POFUT3: variants seen among roughly 807,000 people sequenced by gnomAD.
POFUT3 encodes protein O-fucosyltransferase 3, also known as GDP-fucose protein O-fucosyltransferase 3.
the POFUT3 span, among the ~76,000 whole-genome samples, chr8:33,356,039 T>C: frequency 0.029 from 4,413 of 152,196 alleles, 175 homozygotes; most frequent in African/African-American, 0.091. Flanking sequence ...CCATGGTGTA[T>C]ATGTGCCACA....
chr8:33,343,312 C>G, the POFUT3 span, among the ~76,000 whole-genome samples: 2 of 152,158 alleles, frequency 1.3e-5, no homozygotes, highest in Admixed American at 1.3e-4. Context: ...TTATCTTCAT[C>G]TGATGGATAC....
chr8:33,325,669 C>T, the POFUT3 span, among the ~76,000 whole-genome samples: 5 of 152,030 alleles, frequency 3.3e-5, no homozygotes, highest in African/African-American at 1.2e-4. Flanking sequence ...AAGAATATCT[C>T]CTGGTCTGGA....
At chr8:33,326,934 C>T in the POFUT3 span, among the ~76,000 whole-genome samples, 18 of 152,194 alleles carry the variant, frequency 1.2e-4, no homozygotes, top group Non-Finnish European at 2.5e-4. Flanking sequence ...TGGCCCATGC[C>T]CAGCTAATTT....
At chr8:33,407,149 G>A in the POFUT3 span, among the ~76,000 whole-genome samples, 5 of 152,128 alleles carry the variant, frequency 3.3e-5, no homozygotes, top group Non-Finnish European at 7.4e-5. Context: ...ACAGTAAAAT[G>A]CCAGAGATTT....
At chr8:33,367,891 G>GT in the POFUT3 span, among the ~76,000 whole-genome samples, 46,314 of 151,642 alleles carry the variant, frequency 0.31, 8,375 homozygotes, top group South Asian at 0.51. Context: ...TTCATAATCA[G>GT]TTTTTTTTAA....
At chr8:33,345,913 C>T in the POFUT3 span, among the ~76,000 whole-genome samples, 4 of 150,676 alleles carry the variant, frequency 2.7e-5, no homozygotes, top group African/African-American at 9.8e-5. Context: ...ACGACCTCTG[C>T]CTCCTGGGTT....
chr8:33,382,460 A>G, the POFUT3 span, among the ~76,000 whole-genome samples: 1 of 152,156 alleles, frequency 6.6e-6, no homozygotes, highest in Non-Finnish European at 1.5e-5. Context: ...AAATTTCGGA[A>G]GTTGCAAAGT....
chr8:33,353,675 G>C, the POFUT3 span, among the ~76,000 whole-genome samples: 38 of 152,280 alleles, frequency 2.5e-4, no homozygotes, highest in Non-Finnish European at 3.7e-4. Context: ...TGGGGTGCTT[G>C]GCGGTGAGAT....
At chr8:33,461,374 G>T in the POFUT3 span, 14 of 1,608,612 alleles carry the variant, frequency 8.7e-6, no homozygotes, top group Non-Finnish European at 1.2e-5. Flanking sequence ...CTTGGTACCT[G>T]GAGTGTGACA....
chr8:33,453,761 C>G, the POFUT3 span, among the ~76,000 whole-genome samples: 1 of 152,048 alleles, frequency 6.6e-6, no homozygotes, highest in African/African-American at 2.4e-5. Flanking sequence ...GCCTGGCCAA[C>G]ATAGTGAAAC....
At chr8:33,406,404 T>C in the POFUT3 span, among the ~76,000 whole-genome samples, 6 of 152,136 alleles carry the variant, frequency 3.9e-5, no homozygotes, top group Admixed American at 1.3e-4. Flanking sequence ...TAAAGACTGA[T>C]TTTCATTTAC....
chr8:33,388,981 A>AT, the POFUT3 span: 1 of 1,614,080 alleles, frequency 6.2e-7, no homozygotes, highest in Non-Finnish European at 8.5e-7. Flanking sequence ...GAAGCCTGAT[A>AT]TTAGCCCACA....
chr8:33,458,582 G>T, the POFUT3 span, among the ~76,000 whole-genome samples: 1 of 151,994 alleles, frequency 6.6e-6, no homozygotes, highest in Non-Finnish European at 1.5e-5. Flanking sequence ...CAGGTGTGGT[G>T]GCAGGCACCT....
chr8:33,409,516 T>A, the POFUT3 span, among the ~76,000 whole-genome samples: 1 of 152,342 alleles, frequency 6.6e-6, no homozygotes, highest in East Asian at 1.9e-4. Context: ...CAGTCCTCCA[T>A]CACTGGAAAA....
chr8:33,470,554 A>G, the POFUT3 span, among the ~76,000 whole-genome samples: 260 of 152,348 alleles, frequency 1.7e-3, no homozygotes, highest in African/African-American at 5.7e-3. Context: ...TCTTATACTA[A>G]TAAGTATTAG....
the POFUT3 span, among the ~76,000 whole-genome samples, chr8:33,411,013 G>A: frequency 6.6e-6 from 1 of 152,156 alleles, no homozygotes; most frequent in Non-Finnish European, 1.5e-5. Flanking sequence ...ATGAGCTGGA[G>A]AAAGCCACTG....
the POFUT3 span, among the ~76,000 whole-genome samples, chr8:33,414,069 TCTGA>T: frequency 1.3e-5 from 2 of 152,262 alleles, no homozygotes; most frequent in South Asian, 2.1e-4. Context: ...GGGCTTCTTA[TCTGA>T]CTAAGGAAAC....
At chr8:33,348,437 C>T in the POFUT3 span, among the ~76,000 whole-genome samples, 8 of 152,104 alleles carry the variant, frequency 5.3e-5, no homozygotes, top group African/African-American at 1.9e-4. Flanking sequence ...TTAGGTGTGT[C>T]CTTCCTTTTT....
chr8:33,448,005 C>A, the POFUT3 span, among the ~76,000 whole-genome samples: 1 of 152,048 alleles, frequency 6.6e-6, no homozygotes, highest in East Asian at 1.9e-4. Flanking sequence ...AATTCCAAGA[C>A]CCAAATATTC....
Sources: gnomAD v4.1 joint callset for allele counts (sites outside exome capture counted in the v4.1 genomes callset) on GRCh38, gnomAD v4.1.1 for gene constraint, MANE v1.5 for transcripts, NCBI Gene and HGNC (gene_info 2026-07-23, HGNC 2026-07-21) for gene names.